Variants in DDHD1 observed in about 807,000 individuals in gnomAD.
DDHD1 encodes phospholipase DDHD1.
Under a neutral mutation model 96.4 loss-of-function variants are expected in DDHD1, and 49 were observed. The ratio of observed to expected loss-of-function variants is 0.51; its 90% CI spans 0.40 to 0.64. The LOEUF is 0.64. Ranked by LOEUF, DDHD1 falls within the 30% of genes least tolerant of loss-of-function variation. The pLI, the probability that DDHD1 is intolerant of heterozygous loss-of-function variation, is 0.00. For missense variants in DDHD1, 1,106 were observed against 1,161.2 expected (o/e 0.95, Z 0.69); for synonymous variants, 442 against 446.5 (o/e 0.99, Z 0.13).
At chr14:53,080,717 CTTTTTTTTT>C (rs1555334173) in intron 4 of DDHD1, among the ~76,000 whole-genome samples, 1 of 89,538 alleles carries the variant, frequency 1.1e-5, no homozygotes, top group Non-Finnish European at 2.1e-5. Context: ...TTCCTTCCCC[CTTTTTTTTT>C]TTTTTTTTTT....
chr14:53,118,014 C>A (rs999200749), intron 1 of DDHD1, among the ~76,000 whole-genome samples: 1 of 152,182 alleles, frequency 6.6e-6, no homozygotes, highest in African/African-American at 2.4e-5. Context: ...GATACCCAGG[C>A]AAACAGGGTC....
intron 1 of DDHD1, 29 bp from the exon 2 acceptor site, chr14:53,103,885 A>G: frequency 6.5e-7 from 1 of 1,539,698 alleles, no homozygotes; most frequent in Non-Finnish European, 8.7e-7. Context: ...AGAATTATAC[A>G]CATTTTAAGA....
At chr14:53,072,575 G>A in intron 6 of DDHD1, 22 bp downstream of exon 6, 2 of 1,379,164 alleles carry the variant, frequency 1.5e-6, no homozygotes, top group South Asian at 1.6e-5. Context: ...ATACCCACCA[G>A]CAAGATAATC....
chr14:53,119,835 A>G (rs1311021212), intron 1 of DDHD1, among the ~76,000 whole-genome samples: 1 of 152,248 alleles, frequency 6.6e-6, no homozygotes, highest in East Asian at 1.9e-4. Flanking sequence ...TGACAAACCC[A>G]TAGCCAATAT....
At chr14:53,088,092 T>A (rs202121392) in intron 4 of DDHD1, among the ~76,000 whole-genome samples, 1 of 152,128 alleles carries the variant, frequency 6.6e-6, no homozygotes, top group East Asian at 1.9e-4. Context: ...CCTGGACACA[T>A]ACACCTTTCC....
At chr14:53,149,899 C>T (rs1306693652) in intron 1 of DDHD1, 2 of 152,200 alleles carry the variant, frequency 1.3e-5, no homozygotes, top group African/African-American at 4.8e-5. Flanking sequence ...TCATTAATCA[C>T]ATGTAAGTAT....
intron 1 of DDHD1, among the ~76,000 whole-genome samples, chr14:53,139,255 GAAC>G (rs1273357830): frequency 6.6e-6 from 1 of 152,010 alleles, no homozygotes; most frequent in Non-Finnish European, 1.5e-5. Flanking sequence ...GGCAGAACCA[GAAC>G]AACAGAGAAT....
intron 6 of DDHD1, among the ~76,000 whole-genome samples, chr14:53,068,871 T>A (rs1884276666): frequency 6.6e-6 from 1 of 152,204 alleles, no homozygotes; most frequent in Admixed American, 6.5e-5. Context: ...ATCGATGATT[T>A]GTGTCCAGTC....
At chr14:53,086,972 C>CAAAAAAAAAAAA (rs60569444) in intron 4 of DDHD1, among the ~76,000 whole-genome samples, 6 of 52,208 alleles carry the variant, frequency 1.1e-4, no homozygotes, top group East Asian at 7.3e-4. Flanking sequence ...AAATGAAAAG[C>CAAAAAAAAAAAA]AAAAAAAAAA....
intron 8 of DDHD1, 136 bp from the exon 9 acceptor site, chr14:53,058,762 T>G: frequency 1.4e-6 from 1 of 721,150 alleles, no homozygotes; most frequent in Non-Finnish European, 2.2e-6. Flanking sequence ...ATAAGAGTTA[T>G]CCAGATGGGC....
chr14:53,089,074 A>C (rs2139987916), intron 4 of DDHD1, among the ~76,000 whole-genome samples: 1 of 152,280 alleles, frequency 6.6e-6, no homozygotes, highest in East Asian at 1.9e-4. Flanking sequence ...AATTGCTTCA[A>C]AGAGAATAAA....
intron 1 of DDHD1, among the ~76,000 whole-genome samples, chr14:53,145,855 A>G (rs982929147): frequency 1.3e-5 from 2 of 152,222 alleles, no homozygotes; most frequent in Non-Finnish European, 2.9e-5. Context: ...ATTTAAACAT[A>G]CAGAGCAATG....
chr14:53,101,714 C>T (rs1417937045), intron 2 of DDHD1, among the ~76,000 whole-genome samples: 3 of 152,058 alleles, frequency 2.0e-5, no homozygotes, highest in Non-Finnish European at 2.9e-5. Context: ...AAACCATCTT[C>T]TTACATCAGT....
At chr14:53,124,816 G>C (rs902001035) in intron 1 of DDHD1, among the ~76,000 whole-genome samples, 4 of 152,190 alleles carry the variant, frequency 2.6e-5, no homozygotes, top group Non-Finnish European at 4.4e-5. Flanking sequence ...ACTAAAGATT[G>C]AGCGGCTTAA....
intron 4 of DDHD1, among the ~76,000 whole-genome samples, chr14:53,089,902 A>G (rs934918283): frequency 2.0e-5 from 3 of 152,244 alleles, no homozygotes; most frequent in Non-Finnish European, 4.4e-5. Context: ...GAGCTTCTGC[A>G]CAGCAAGAGA....
chr14:53,153,124 G>C lies in DDHD1; in HGVS notation c.-26C>G. The C allele has an allele frequency of 7.3e-7, 1 of 1,369,748 alleles. No individual in the cohort carries two copies. The highest frequency in any genetic ancestry group is 9.3e-7 in the Non-Finnish European group (1 of 1,071,676). The allele number at this position is 1,369,748 out of a possible 1,614,324, so 84.8% of individuals were successfully genotyped here. On this transcript the variant is annotated 5_prime_UTR_variant, in exon 1 of 13. Transcript: ENST00000673822. Reference sequence around the variant, plus strand: ...GCTGTGGAGACGCCGCCGGCTGTCCGGCGGCGCGCGGAGCCGTGACCCCCA... The same window carrying C: ...GCTGTGGAGACGCCGCCGGCTGTCCCGCGGCGCGCGGAGCCGTGACCCCCA...
chr14:53,095,879 C>G (rs1886845372), intron 2 of DDHD1, among the ~76,000 whole-genome samples: 1 of 152,114 alleles, frequency 6.6e-6, no homozygotes, highest in African/African-American at 2.4e-5. Flanking sequence ...TTATTTTCCT[C>G]TTTAAATCAT....
intron 1 of DDHD1, among the ~76,000 whole-genome samples, chr14:53,124,304 G>T (rs1189180218): frequency 6.6e-6 from 1 of 151,234 alleles, no homozygotes; most frequent in African/African-American, 2.4e-5. Context: ...TGGAATGAAA[G>T]GTAGTAACTT....
intron 6 of DDHD1, 44 bp from the exon 7 acceptor site, chr14:53,063,249 A>G (rs904276775): frequency 1.9e-6 from 3 of 1,567,746 alleles, no homozygotes; most frequent in Non-Finnish European, 2.6e-6. Flanking sequence ...CTTGTCACTG[A>G]CTACTATACA....
Sources: gnomAD v4.1 joint callset for allele counts (sites outside exome capture counted in the v4.1 genomes callset) on GRCh38, gnomAD v4.1.1 for gene constraint, MANE v1.5 for transcripts, NCBI Gene and HGNC (gene_info 2026-07-23, HGNC 2026-07-21) for gene names.